CDH13: variants seen among roughly 807,000 people sequenced by gnomAD.
The protein encoded by CDH13 is cadherin 13.
Under a neutral mutation model 63.8 loss-of-function variants are expected in CDH13, and 24 were observed. The ratio of observed to expected loss-of-function variants is 0.38; its 90% CI spans 0.27 to 0.53. The LOEUF is 0.53. CDH13 is among the 20% of genes least tolerant of loss of function. CDH13 has a pLI of 0.85. For missense variants in CDH13, 1,049 were observed against 903.1 expected, an observed-to-expected ratio of 1.16 and a Z score of -2.07; for synonymous variants, 503 against 355.3, an observed-to-expected ratio of 1.42 and a Z score of -4.67.
rs60196638 is a variant in CDH13, at chr16:82,710,552, A to AAAAT, written c.45+83416_45+83417insAATA. Among the ~76,000 whole-genome samples, 185 of 63,724 alleles carry AAAAT rather than the reference A, an allele frequency of 2.9e-3. 1 individual carries two copies. Among genetic ancestry groups the AAAAT allele is most frequent in the Middle Eastern group, 0.018 (1 of 56 alleles). 41.8% of individuals were successfully genotyped at this position (63,724 alleles called of 152,430 possible). On this transcript the variant is annotated intron_variant, in intron 1 of 13. Transcript: ENST00000567109. ...TGTCTCAAAAAAAAAAAAAAAAAAA[A>AAAAT]ATATATATATATATATATATATATA...
At chr16:82,724,277 A>G (rs1372205835) in intron 1 of CDH13, among the ~76,000 whole-genome samples, 1 of 152,162 alleles carries the variant, frequency 6.6e-6, no homozygotes, top group Non-Finnish European at 1.5e-5. Flanking sequence ...CCTTCCGTCC[A>G]TCCATCTATC....
At chr16:82,643,546 A>G (rs1205812817) in intron 1 of CDH13, among the ~76,000 whole-genome samples, 1 of 152,186 alleles carries the variant, frequency 6.6e-6, no homozygotes, top group African/African-American at 2.4e-5. Flanking sequence ...ATTAAAAGCA[A>G]CCTGTGTTAT....
intron 4 of CDH13, among the ~76,000 whole-genome samples, chr16:83,158,326 C>G (rs1400276171): frequency 2.0e-5 from 3 of 152,192 alleles, no homozygotes; most frequent in South Asian, 2.1e-4. Flanking sequence ...GTTGTTTCTC[C>G]TCACTGCACT....
intron 2 of CDH13, among the ~76,000 whole-genome samples, chr16:83,018,127 C>G (rs149529236): frequency 1.0e-3 from 152 of 152,274 alleles, no homozygotes; most frequent in African/African-American, 3.5e-3. Context: ...AACCCCAGTT[C>G]TACAAGTAAA....
chr16:82,772,315 G>A (rs1567517806), intron 1 of CDH13, among the ~76,000 whole-genome samples: 2 of 152,146 alleles, frequency 1.3e-5, no homozygotes, highest in Non-Finnish European at 2.9e-5. Context: ...AGCATACTGG[G>A]GGTCCGTGTG....
intron 11 of CDH13, among the ~76,000 whole-genome samples, chr16:83,765,405 A>G (rs1417525735): frequency 2.6e-5 from 4 of 152,192 alleles, no homozygotes; most frequent in African/African-American, 9.7e-5. Context: ...CTTCTAAAAT[A>G]ATTTTTCAGC....
At chr16:82,933,377 T>C (rs2042560022) in intron 2 of CDH13, among the ~76,000 whole-genome samples, 1 of 152,132 alleles carries the variant, frequency 6.6e-6, no homozygotes, top group Admixed American at 6.5e-5. Flanking sequence ...GAGAACAGCA[T>C]GGGGAGACTG....
intron 6 of CDH13, among the ~76,000 whole-genome samples, chr16:83,381,702 C>T (rs556158373): frequency 5.3e-4 from 80 of 151,850 alleles, no homozygotes; most frequent in Non-Finnish European, 9.3e-4. Context: ...CAAAGCTGCA[C>T]ATGCCTGAAA....
At chr16:83,773,289 C>T (rs1050960776) in intron 11 of CDH13, among the ~76,000 whole-genome samples, 1 of 152,118 alleles carries the variant, frequency 6.6e-6, no homozygotes, top group Non-Finnish European at 1.5e-5. Flanking sequence ...AAGTCAAGGC[C>T]TATATTAGTC....
intron 2 of CDH13, among the ~76,000 whole-genome samples, chr16:82,865,407 C>G (rs148158494): frequency 1.3e-5 from 2 of 152,374 alleles, no homozygotes; most frequent in African/African-American, 4.8e-5. Context: ...CATTAAGCCT[C>G]TGAAATCTAG....
At chr16:82,856,288 A>G (rs1176636993) in intron 1 of CDH13, among the ~76,000 whole-genome samples, 1 of 150,480 alleles carries the variant, frequency 6.6e-6, no homozygotes, top group African/African-American at 2.4e-5. Context: ...AGGCGGGAGA[A>G]TGGCGTCAAG....
chr16:82,958,300 C>T (rs62037232), intron 2 of CDH13, among the ~76,000 whole-genome samples: 4 of 152,236 alleles, frequency 2.6e-5, no homozygotes, highest in Middle Eastern at 3.4e-3. Flanking sequence ...TCTGATATAT[C>T]GTTCATGCTT....
chr16:82,844,877 G>T (rs181922256), intron 1 of CDH13: 2 of 151,460 alleles, frequency 1.3e-5, no homozygotes, highest in South Asian at 4.2e-4. Context: ...GAATGGTCTT[G>T]ATCTCCTGAC....
At chr16:83,609,379 C>G (rs1257301884) in intron 8 of CDH13, among the ~76,000 whole-genome samples, 7 of 143,924 alleles carry the variant, frequency 4.9e-5, no homozygotes, top group African/African-American at 1.8e-4. Context: ...TGTGTAAAAA[C>G]TAATCTTTAA....
chr16:83,601,169 C>T (rs73609720), intron 7 of CDH13, among the ~76,000 whole-genome samples: 4,232 of 152,172 alleles, frequency 0.028, 208 homozygotes, highest in African/African-American at 0.096. Context: ...TAACCCAAAC[C>T]ACATGAGCAG....
At chr16:83,061,961 C>G (rs1004983944) in intron 3 of CDH13, among the ~76,000 whole-genome samples, 1 of 151,990 alleles carries the variant, frequency 6.6e-6, no homozygotes, top group Admixed American at 6.6e-5. Flanking sequence ...ATTTGGAGCT[C>G]GAAACTGAGA....
chr16:83,138,983 C>T (rs2036416465), intron 4 of CDH13, among the ~76,000 whole-genome samples: 2 of 152,118 alleles, frequency 1.3e-5, no homozygotes, highest in African/African-American at 2.4e-5. Context: ...CTCTATAGGA[C>T]GCTGAACAAA....
At chr16:83,220,042 T>C (rs1232677567) in intron 5 of CDH13, among the ~76,000 whole-genome samples, 1 of 152,176 alleles carries the variant, frequency 6.6e-6, no homozygotes, top group Non-Finnish European at 1.5e-5. Context: ...CACAAGTACT[T>C]GGGTTACTTA....
intron 5 of CDH13, among the ~76,000 whole-genome samples, chr16:83,237,267 G>A (rs1385600077): frequency 2.6e-5 from 4 of 152,198 alleles, no homozygotes; most frequent in African/African-American, 7.2e-5. Flanking sequence ...CCCACCCCAT[G>A]GTGATGCTCA....
Sources: allele counts gnomAD v4.1 joint callset (sites outside exome capture counted in the v4.1 genomes callset), GRCh38; gene constraint gnomAD v4.1.1; transcripts MANE v1.5; gene names NCBI Gene and HGNC (gene_info 2026-07-23, HGNC 2026-07-21).